Variants in TSHR observed in about 807,000 individuals in gnomAD.
The protein encoded by TSHR is thyrotropin receptor.
Under a neutral mutation model 64.1 loss-of-function variants are expected in TSHR, and 51 were observed. The ratio of observed to expected loss-of-function variants is 0.80; its 90% CI spans 0.64 to 1.01. The LOEUF (loss-of-function observed/expected upper bound fraction) is 1.01, where lower values mean the gene tolerates loss of function less well. Ranked by LOEUF, TSHR falls within the 50% of genes least tolerant of loss-of-function variation. The pLI is 0.00. For synonymous variants in TSHR, 361 were observed against 361.9 expected (o/e 1.00, Z 0.03); for missense variants, 877 against 942.8 (o/e 0.93, Z 0.91).
chr14:81,083,963 G>A (rs1176124523), intron 3 of TSHR, among the ~76,000 whole-genome samples: 2 of 152,134 alleles, frequency 1.3e-5, no homozygotes, highest in Admixed American at 6.5e-5. Context: ...TCACTATCAC[G>A]AGAACAGCAT....
chr14:81,028,215 T>C (rs1481164419), intron 1 of TSHR, among the ~76,000 whole-genome samples: 1 of 152,112 alleles, frequency 6.6e-6, no homozygotes, highest in East Asian at 1.9e-4. Flanking sequence ...TGGTAAAATA[T>C]TAAAAACAAA....
intron 1 of TSHR, among the ~76,000 whole-genome samples, chr14:81,033,902 T>C (rs1884489766): frequency 6.6e-6 from 1 of 152,188 alleles, no homozygotes; most frequent in Non-Finnish European, 1.5e-5. Flanking sequence ...TCTTGTAAAA[T>C]GCACCATTGA....
At chr14:81,071,850 A>C (rs1032875634) in intron 3 of TSHR, among the ~76,000 whole-genome samples, 3 of 152,118 alleles carry the variant, frequency 2.0e-5, no homozygotes, top group Non-Finnish European at 4.4e-5. Flanking sequence ...CTCCATTTAC[A>C]TTTTGTTTGA....
chr14:81,038,463 A>C (rs1156466989), intron 1 of TSHR, among the ~76,000 whole-genome samples: 1 of 151,546 alleles, frequency 6.6e-6, no homozygotes, highest in African/African-American at 2.4e-5. Context: ...CTAAATTTAA[A>C]ATTAAGAATG....
At chr14:81,066,142 TG>T (rs1340244332) in intron 2 of TSHR, among the ~76,000 whole-genome samples, 1 of 152,174 alleles carries the variant, frequency 6.6e-6, no homozygotes, top group East Asian at 1.9e-4. Context: ...GTCATTAGGT[TG>T]GAGAAACTGG....
At chr14:81,101,314 T>C (rs1281330068) in intron 7 of TSHR, among the ~76,000 whole-genome samples, 1 of 152,152 alleles carries the variant, frequency 6.6e-6, no homozygotes, top group Non-Finnish European at 1.5e-5. Context: ...CTTCTGAAAT[T>C]AACCCTATGG....
At chr14:81,122,932 C>A (rs925733728) in intron 8 of TSHR, among the ~76,000 whole-genome samples, 10 of 152,046 alleles carry the variant, frequency 6.6e-5, no homozygotes, top group African/African-American at 2.4e-4. Context: ...TCAAGACCAG[C>A]CTGGCCTACA....
At chr14:81,062,931 A>G (rs938399754) in intron 2 of TSHR, among the ~76,000 whole-genome samples, 1 of 152,104 alleles carries the variant, frequency 6.6e-6, no homozygotes, top group Non-Finnish European at 1.5e-5. Context: ...CTGTCATTTC[A>G]GTAGTTCTCA....
Position 81,082,617 on chromosome 14 carries a change from C to T in TSHR, c.318-5337C>T, listed in dbSNP as rs144777799. On this transcript the variant is annotated intron_variant, in intron 3 of 9. Coordinates refer to ENST00000298171, the MANE Select transcript of TSHR (RefSeq NM_000369.5). The stretch of plus-strand genomic sequence containing the variant: ...CACAACACGGGCATTTAAAAGTAAA[C>T]GGGAAAAAAATTGAAAATCAAATTG... 4.0e-3 allele frequency among the ~76,000 whole-genome samples: 603 copies of T among 152,064 alleles called. 4 individuals carry two copies. Among genetic ancestry groups the T allele is most frequent in the African/African-American group, 0.013 (519 of 41,470 alleles).
chr14:81,032,500 AT>A, intron 1 of TSHR: 1 of 372,540 alleles, frequency 2.7e-6, no homozygotes. Flanking sequence ...AGAGTTTTCC[AT>A]TTAGATCAAC....
intron 1 of TSHR, among the ~76,000 whole-genome samples, chr14:81,002,691 C>T (rs1037220986): frequency 1.3e-5 from 2 of 150,306 alleles, no homozygotes; most frequent in Non-Finnish European, 3.0e-5. Context: ...CATTAGTTAC[C>T]ATTGACTACT....
intron 1 of TSHR, among the ~76,000 whole-genome samples, chr14:81,005,374 AAAAC>A (rs1187850157): frequency 6.6e-6 from 1 of 152,206 alleles, no homozygotes; most frequent in African/African-American, 2.4e-5. Context: ...TGTAAATTAT[AAAAC>A]AAACACACAA....
At chr14:81,104,420 A>G (rs987122487) in intron 7 of TSHR, 1 of 985,286 alleles carries the variant, frequency 1.0e-6, no homozygotes, top group African/African-American at 1.7e-5. Context: ...GCTGCAATGT[A>G]TCCTAAAACT....
chr14:80,963,614 A>G (rs570233306), intron 1 of TSHR, among the ~76,000 whole-genome samples: 1 of 152,370 alleles, frequency 6.6e-6, no homozygotes, highest in East Asian at 1.9e-4. Context: ...AAAGGATATG[A>G]TCGAATGGTA....
chr14:81,141,371 C>G (rs1232170526), intron 9 of TSHR, among the ~76,000 whole-genome samples: 1 of 152,170 alleles, frequency 6.6e-6, no homozygotes, highest in Admixed American at 6.5e-5. Context: ...AAGCAGAACC[C>G]AAGAGATCAC....
chr14:80,978,413 C>T (rs572439336), intron 1 of TSHR, among the ~76,000 whole-genome samples: 6 of 152,128 alleles, frequency 3.9e-5, no homozygotes, highest in Non-Finnish European at 7.3e-5. Context: ...GCTGAGACAG[C>T]GTTAGGAGTG....
At chr14:81,099,923 G>A (rs1326643995) in intron 7 of TSHR, among the ~76,000 whole-genome samples, 1 of 152,100 alleles carries the variant, frequency 6.6e-6, no homozygotes, top group Non-Finnish European at 1.5e-5. Context: ...TCTCAGTGTA[G>A]GTCTAGCAGC....
chr14:81,135,581 G>T (rs917675678), intron 8 of TSHR, among the ~76,000 whole-genome samples: 1 of 152,134 alleles, frequency 6.6e-6, no homozygotes, highest in East Asian at 1.9e-4. Flanking sequence ...TGATTGGGGT[G>T]GGGGGTTCTT....
At chr14:81,042,052 T>A (rs1281460523) in intron 1 of TSHR, among the ~76,000 whole-genome samples, 1 of 152,148 alleles carries the variant, frequency 6.6e-6, no homozygotes, top group East Asian at 1.9e-4. Flanking sequence ...ATGCTTAACA[T>A]TACCAATCAT....
Sources: allele counts gnomAD v4.1 joint callset (sites outside exome capture counted in the v4.1 genomes callset), GRCh38; gene constraint gnomAD v4.1.1; transcripts MANE v1.5; gene names NCBI Gene and HGNC (gene_info 2026-07-23, HGNC 2026-07-21).